Variants in ARID3A observed in about 807,000 individuals in gnomAD.
The protein encoded by ARID3A is AT-rich interaction domain 3A.
In ARID3A, 11 loss-of-function variants were observed where a neutral mutation model predicts 52.7. The observed-to-expected ratio is 0.21, with a 90% CI of 0.13 to 0.35. ARID3A has a LOEUF of 0.35. ARID3A is among the 10% of genes least tolerant of loss of function. The probability of loss-of-function intolerance (pLI) is 1.00; values close to 1 mark genes in which losing one functional copy is unlikely to be tolerated. For synonymous variants in ARID3A, 404 were observed against 359.4 expected (o/e 1.12, Z -1.40); for missense variants, 721 against 838.5 (o/e 0.86, Z 1.73).
intron 3 of ARID3A, among the ~76,000 whole-genome samples, chr19:935,343 C>A (rs1441196418): frequency 6.6e-6 from 1 of 152,200 alleles, no homozygotes; most frequent in Non-Finnish European, 1.5e-5. Flanking sequence ...TGGGGACGTG[C>A]AGTTTTGGAG....
intron 3 of ARID3A, among the ~76,000 whole-genome samples, chr19:934,237 C>T (rs775092533): frequency 6.6e-6 from 1 of 152,066 alleles, no homozygotes; most frequent in Non-Finnish European, 1.5e-5. Flanking sequence ...GTCGGTCCTT[C>T]GGGGGTCAGA....
intron 3 of ARID3A, among the ~76,000 whole-genome samples, chr19:933,014 G>T (rs942990998): frequency 6.6e-6 from 1 of 152,158 alleles, no homozygotes; most frequent in Non-Finnish European, 1.5e-5. Context: ...AGGTGATGGG[G>T]CAGAGATGGA....
intron 3 of ARID3A, among the ~76,000 whole-genome samples, chr19:948,544 G>T (rs904872751): frequency 1.4e-5 from 2 of 146,772 alleles, no homozygotes; most frequent in African/African-American, 5.2e-5. Context: ...CGAGACTCCA[G>T]GTCCTCCAGG....
rs2037712028 is a variant in ARID3A at position 947,518 on chromosome 19, A to G, written c.694-12574A>G. 2.0e-5 allele frequency among the ~76,000 whole-genome samples: 3 copies of G among 151,806 alleles called. No individual in the cohort carries two copies. Among genetic ancestry groups the G allele is most frequent in the Admixed American group, 6.6e-5 (1 of 15,252 alleles). On this transcript the variant is annotated intron_variant, in intron 3 of 8. Coordinates refer to ENST00000263620, the MANE Select transcript of ARID3A (RefSeq NM_005224.3). This position sits in a 1 kb window ranked among gnomAD's most constrained non-coding sequence, Gnocchi z 6.3. ...TCCTCCCTGAGCAAGGGACTCCCCC[A>G]TCCATGTCTCAGCCCCCACCCAGAT...
Position 966,680 on chromosome 19 carries a change from A to T in ARID3A, c.1307A>T (p.Gln436Leu). 1 of 1,610,906 alleles carries T rather than the reference A, an allele frequency of 6.2e-7. No homozygotes were observed. The highest frequency in any genetic ancestry group is 8.5e-7 in the Non-Finnish European group (1 of 1,178,400). ...GCAGCTGTGCAAGCAGCAGCCGCCC[A>T]AGCAGCTGTGGCCGCACAGGCAGCT... ...QAAAVQAAAA[Q>L]AAVAAQAAAL... Residue 436 changes from glutamine (Q) to leucine (L), a missense_variant, in exon 7 of 9, where the codon CAA becomes CTA. Around this residue, in one of 5 missense-constraint regions of ARID3A, gnomAD observed 297 missense variants for 343.2 expected, o/e 0.87. Coordinates refer to ENST00000263620, the MANE Select transcript of ARID3A (RefSeq NM_005224.3).
rs577924521 is a variant in ARID3A, at chr19:932,680, G to C, written c.631G>C (p.Val211Leu). The change falls in exon 3 of 9, where the codon GTA (valine) becomes CTA (leucine). Residue 211 changes from valine (V) to leucine (L), a missense_variant. Coordinates refer to ENST00000263620, the MANE Select transcript of ARID3A (RefSeq NM_005224.3). ...TGCCCACCCCGGAGGGGCCGCCCAC[G>C]TAGCCCCGCAGCTGCAGCCGCCTGA... ...GPAHPGGAAH[V>L]APQLQPPDHG... 3 of 1,546,230 alleles carry C rather than the reference G, an allele frequency of 1.9e-6. No individual in the cohort carries two copies. The East Asian group carries it at 7.4e-5, about 38-fold the overall frequency.
At chr19:933,099 A>T (rs2037367868) in intron 3 of ARID3A, among the ~76,000 whole-genome samples, 1 of 152,000 alleles carries the variant, frequency 6.6e-6, no homozygotes, top group Non-Finnish European at 1.5e-5. Context: ...CCTGCGGGCG[A>T]TGCGGGCAGA....
At chr19:961,235 G>T (rs957912882) in intron 4 of ARID3A, among the ~76,000 whole-genome samples, 1 of 151,860 alleles carries the variant, frequency 6.6e-6, no homozygotes, top group Non-Finnish European at 1.5e-5. Flanking sequence ...CCCAGCCTCC[G>T]CCCACCCCTC....
At position 947,284 on chromosome 19, in the gene ARID3A, ACT is replaced by A. The variant is rs1307112606; in HGVS notation, c.694-12805_694-12804del. ...CTTAAGGCCAGTGCCCTCGGCGGAGACTCTATTAGGGACTGCGGGCCCCAGAT... is the reference window on the plus strand; with the variant it reads ...CTTAAGGCCAGTGCCCTCGGCGGAGACTATTAGGGACTGCGGGCCCCAGAT... On this transcript the variant is annotated intron_variant, in intron 3 of 8. Coordinates refer to ENST00000263620, the MANE Select transcript of ARID3A (RefSeq NM_005224.3). This position sits in a 1 kb window ranked among gnomAD's most constrained non-coding sequence, Gnocchi z 6.3. 2.0e-5 allele frequency among the ~76,000 whole-genome samples: 3 copies of A among 151,588 alleles called. No homozygotes were observed. The highest frequency in any genetic ancestry group is 4.4e-5 in the Non-Finnish European group (3 of 67,906).
intron 3 of ARID3A, among the ~76,000 whole-genome samples, chr19:954,687 G>GCTGTGCT (rs2037877644): frequency 6.6e-6 from 1 of 152,180 alleles, no homozygotes; most frequent in South Asian, 2.1e-4. Flanking sequence ...CATCTGCGGA[G>GCTGTGCT]GTGATATCGG....
intron 7 of ARID3A, among the ~76,000 whole-genome samples, chr19:967,820 A>G (rs8107531): frequency 0.71 from 108,220 of 151,592 alleles, 38,985 homozygotes; most frequent in Middle Eastern, 0.82. Context: ...CGAGGCGGGC[A>G]GATCACCTGA....
Position 929,620 on chromosome 19 carries a change from C to T in ARID3A, c.92C>T (p.Pro31Leu). 1 of 1,525,832 alleles carries T rather than the reference C, an allele frequency of 6.6e-7. No homozygotes were observed. The highest frequency in any genetic ancestry group is 8.7e-7 in the Non-Finnish European group (1 of 1,142,920). 94.5% of individuals were successfully genotyped at this position (1,525,832 alleles called of 1,614,324 possible). The stretch of plus-strand genomic sequence containing the variant: ...GCCCGGCAGCAGCTGCCCCCCGATC[C>T]CCCTGCTGCACCCCCCGGCCGGGCC... ...LEARQQLPPD[P>L]PAAPPGRARA... The change falls in exon 2 of 9, where the codon CCC becomes CTC. Residue 31 changes from proline to leucine, a missense_variant. Pro to Leu is a moderately conservative substitution (Grantham distance 98, BLOSUM62 -3). Around this residue, in one of 5 missense-constraint regions of ARID3A, gnomAD observed 349 missense variants for 297.3 expected, o/e 1.17. Transcript: ENST00000263620. The surrounding 1 kb of genome is among the most constrained non-coding windows in gnomAD (Gnocchi z 6.2).
At position 972,151 on chromosome 19, in the gene ARID3A, C is replaced by A; in HGVS notation, c.*86C>A. On this transcript the variant is annotated 3_prime_UTR_variant, in exon 9 of 9. Coordinates refer to ENST00000263620, the MANE Select transcript of ARID3A (RefSeq NM_005224.3). ...GTGGGCCACACAGGGGCCAGGATGG[C>A]GGAAGATACGGGTGGGGAGGGAAGA... 1.6e-6 allele frequency: 2 copies of A among 1,285,956 alleles called. No homozygotes were observed. The highest frequency in any genetic ancestry group is 2.1e-6 in the Non-Finnish European group (2 of 965,308). The allele number at this position is 1,285,956 out of a possible 1,614,324, so 79.7% of individuals were successfully genotyped here. A position where few individuals can be genotyped will look rare whatever the true frequency, so the allele number is the denominator to read the frequency against.
At chr19:971,279 G>A (rs2038271770) in intron 8 of ARID3A, among the ~76,000 whole-genome samples, 1 of 152,056 alleles carries the variant, frequency 6.6e-6, no homozygotes, top group African/African-American at 2.4e-5. Flanking sequence ...ACCAGCCTGG[G>A]CAACATATTG....
chr19:951,577 C>G (rs1156879696), intron 3 of ARID3A, among the ~76,000 whole-genome samples: 1 of 151,888 alleles, frequency 6.6e-6, no homozygotes, highest in African/African-American at 2.4e-5. Flanking sequence ...ACAACGTAGA[C>G]TAAAGAACCA....
intron 3 of ARID3A, among the ~76,000 whole-genome samples, chr19:943,725 G>A (rs779663431): frequency 6.6e-6 from 1 of 152,184 alleles, no homozygotes; most frequent in Non-Finnish European, 1.5e-5. Context: ...CTCCCCTGGA[G>A]CCCCAGTGAC....
Position 960,429 on chromosome 19 carries a change from A to G in ARID3A, c.766+265A>G, listed in dbSNP as rs1415137786. ...GGCAGTCTCAGGGCCCCAACCCAGA[A>G]CAGACAGTCCAGGTCATCTCCTTAG... On this transcript the variant is annotated intron_variant, in intron 4 of 8. Coordinates refer to ENST00000263620, the MANE Select transcript of ARID3A (RefSeq NM_005224.3). The surrounding 1 kb of genome is among the most constrained non-coding windows in gnomAD (Gnocchi z 4.3). Among the ~76,000 whole-genome samples, 1 of 151,960 alleles carries G rather than the reference A, an allele frequency of 6.6e-6. No homozygotes were observed. Among genetic ancestry groups the G allele is most frequent in the Non-Finnish European group, 1.5e-5 (1 of 67,960 alleles).
Position 971,790 on chromosome 19 carries a change from C to T in ARID3A, c.1595-88C>T, listed in dbSNP as rs796435844. On this transcript the variant is annotated intron_variant, in intron 8 of 8. Coordinates refer to ENST00000263620, the MANE Select transcript of ARID3A (RefSeq NM_005224.3). Reference sequence around the variant, plus strand: ...GGACAGAGTGAGAGAGAAGTTTATTCCCCGGAGCACCCCATTGGGTCTCCC... The same window carrying T: ...GGACAGAGTGAGAGAGAAGTTTATTTCCCGGAGCACCCCATTGGGTCTCCC... 10 of 1,461,832 alleles carry T rather than the reference C, an allele frequency of 6.8e-6. No individual in the cohort carries two copies. In the African/African-American group the frequency reaches 1.3e-4, roughly 19 times the overall value. The allele number at this position is 1,461,832 out of a possible 1,614,324, so 90.6% of individuals were successfully genotyped here.
In ARID3A at chr19:964,165, G is replaced by T; in HGVS notation, c.767-83G>T. On this transcript the variant is annotated intron_variant, in intron 4 of 8. Transcript: ENST00000263620. This position sits in a 1 kb window ranked among gnomAD's most constrained non-coding sequence, Gnocchi z 5.7. ...CAGCCTGGGCGGGGGAGTGCTCCTG[G>T]CATGGAGAGGGCGGAGGCCAGGACA... The T allele has an allele frequency of 6.7e-6, 8 of 1,201,814 alleles. No homozygotes were observed. Among genetic ancestry groups the T allele is most frequent in the Non-Finnish European group, 9.4e-6 (8 of 848,446 alleles). 74.4% of individuals were successfully genotyped at this position (1,201,814 alleles called of 1,614,324 possible).
Sources: allele counts gnomAD v4.1 joint callset (sites outside exome capture counted in the v4.1 genomes callset), GRCh38; gene constraint gnomAD v4.1.1; regional missense constraint gnomAD v4.1.1; non-coding constraint Gnocchi (gnomAD v3.1); transcripts MANE v1.5; gene names NCBI Gene and HGNC (gene_info 2026-07-23, HGNC 2026-07-21).